KIAA1328: variants seen among roughly 807,000 people sequenced by gnomAD.
KIAA1328 encodes the protein KIAA1328, also known as protein hinderin.
A neutral mutation model predicts 68.1 loss-of-function variants in KIAA1328; 52 were observed. The observed-to-expected ratio is 0.76, with a 90% CI of 0.61 to 0.96. The LOEUF is 0.96. KIAA1328 is among the 40% of genes least tolerant of loss of function. KIAA1328 has a pLI of 0.00. For missense variants in KIAA1328, 641 were observed against 677.6 expected, an observed-to-expected ratio of 0.95 and a Z score of 0.60; for synonymous variants, 232 against 239.4, an observed-to-expected ratio of 0.97 and a Z score of 0.28.
intron 3 of KIAA1328, among the ~76,000 whole-genome samples, chr18:36,839,986 C>T (rs893606178): frequency 2.6e-5 from 4 of 152,144 alleles, no homozygotes; most frequent in Admixed American, 6.5e-5. Context: ...TTCTGCAGAT[C>T]CCTGGAGCTC....
At chr18:37,192,551 C>G (rs2059926514) in intron 9 of KIAA1328, among the ~76,000 whole-genome samples, 1 of 152,192 alleles carries the variant, frequency 6.6e-6, no homozygotes, top group African/African-American at 2.4e-5. Flanking sequence ...GGTTTCTACA[C>G]TATATTCTCC....
At chr18:37,004,735 A>G (rs1356046182) in intron 6 of KIAA1328, among the ~76,000 whole-genome samples, 1 of 152,156 alleles carries the variant, frequency 6.6e-6, no homozygotes, top group Non-Finnish European at 1.5e-5. Flanking sequence ...TTGATCCCGC[A>G]ATCCCCACTG....
intron 4 of KIAA1328, among the ~76,000 whole-genome samples, chr18:36,883,230 G>A (rs1185620354): frequency 1.3e-5 from 2 of 152,000 alleles, no homozygotes; most frequent in South Asian, 2.1e-4. Flanking sequence ...ACAAACATTC[G>A]AAATCTGAAA....
At chr18:36,949,069 A>G (rs1460597883) in intron 5 of KIAA1328, among the ~76,000 whole-genome samples, 3 of 152,120 alleles carry the variant, frequency 2.0e-5, no homozygotes, top group Non-Finnish European at 2.9e-5. Context: ...ATTGTTGTGC[A>G]GTTCACTTGA....
At chr18:37,084,238 C>T in intron 7 of KIAA1328, 1 of 1,454,020 alleles carries the variant, frequency 6.9e-7, no homozygotes, top group Non-Finnish European at 9.1e-7. Context: ...CCAAGGTAAA[C>T]CTGAAGTCTC....
intron 7 of KIAA1328, among the ~76,000 whole-genome samples, chr18:37,117,887 A>AAT (rs1340358187): frequency 2.1e-3 from 312 of 147,530 alleles, no homozygotes; most frequent in African/African-American, 4.1e-3. Context: ...AAAAAAAAAA[A>AAT]ATATATATAT....
chr18:37,087,462 T>C (rs1373085056), intron 7 of KIAA1328, among the ~76,000 whole-genome samples: 1 of 152,256 alleles, frequency 6.6e-6, no homozygotes, highest in Non-Finnish European at 1.5e-5. Flanking sequence ...GTCTTATCTC[T>C]GAGAATATTC....
chr18:37,045,011 G>A (rs2055409995), intron 6 of KIAA1328, among the ~76,000 whole-genome samples: 1 of 152,078 alleles, frequency 6.6e-6, no homozygotes, highest in African/African-American at 2.4e-5. Flanking sequence ...TGGAAGTTGG[G>A]TTTTCAGAGA....
At chr18:37,172,193 C>T (rs1410754962) in intron 8 of KIAA1328, among the ~76,000 whole-genome samples, 1 of 152,168 alleles carries the variant, frequency 6.6e-6, no homozygotes, top group African/African-American at 2.4e-5. Flanking sequence ...TAACTTCATG[C>T]ATCCCGGATA....
intron 7 of KIAA1328, among the ~76,000 whole-genome samples, chr18:37,144,049 A>T (rs1380749654): frequency 6.6e-6 from 1 of 152,136 alleles, no homozygotes; most frequent in Non-Finnish European, 1.5e-5. Context: ...CTATCTGGGC[A>T]GTTTTCTTTG....
chr18:37,141,686 GCT>G (rs1267873521), intron 7 of KIAA1328, among the ~76,000 whole-genome samples: 1 of 152,162 alleles, frequency 6.6e-6, no homozygotes, highest in Non-Finnish European at 1.5e-5. Flanking sequence ...GTTTTCCAAA[GCT>G]ATATAACAAT....
intron 5 of KIAA1328, among the ~76,000 whole-genome samples, chr18:36,914,212 G>T (rs933672652): frequency 2.6e-5 from 4 of 152,160 alleles, no homozygotes; most frequent in African/African-American, 9.7e-5. Flanking sequence ...AACAAAGCCT[G>T]CTCAGCTAAA....
chr18:37,045,438 T>TC, intron 6 of KIAA1328, among the ~76,000 whole-genome samples: 1 of 152,332 alleles, frequency 6.6e-6, no homozygotes, highest in South Asian at 2.1e-4. Context: ...TCTTTGGTCT[T>TC]CATTTCAAAT....
At chr18:37,020,831 G>A (rs1481038122) in intron 6 of KIAA1328, among the ~76,000 whole-genome samples, 1 of 152,130 alleles carries the variant, frequency 6.6e-6, no homozygotes, top group African/African-American at 2.4e-5. Context: ...GAATGACTGA[G>A]TTGGCTCATT....
chr18:37,035,767 C>A (rs1311910458), intron 6 of KIAA1328, among the ~76,000 whole-genome samples: 1 of 152,110 alleles, frequency 6.6e-6, no homozygotes, highest in African/African-American at 2.4e-5. Context: ...GTAAGATAAT[C>A]AAATATGCTG....
At chr18:37,031,316 G>A (rs533360291) in intron 6 of KIAA1328, among the ~76,000 whole-genome samples, 7 of 151,428 alleles carry the variant, frequency 4.6e-5, no homozygotes, top group East Asian at 3.9e-4. Context: ...TTTCCTTTCC[G>A]TCTTTCCACT....
chr18:37,124,617 A>G (rs575490122), intron 7 of KIAA1328, among the ~76,000 whole-genome samples: 1 of 152,174 alleles, frequency 6.6e-6, no homozygotes, highest in South Asian at 2.1e-4. Context: ...TCTCTATTTC[A>G]CATACTTGAA....
At chr18:36,944,128 G>A (rs1350830167) in intron 5 of KIAA1328, among the ~76,000 whole-genome samples, 1 of 152,132 alleles carries the variant, frequency 6.6e-6, no homozygotes, top group Non-Finnish European at 1.5e-5. Context: ...AAACTATATA[G>A]TACCAAATAT....
intron 7 of KIAA1328, among the ~76,000 whole-genome samples, chr18:37,082,102 T>TTA (rs773181923): frequency 1.4e-3 from 212 of 151,874 alleles, no homozygotes; most frequent in African/African-American, 4.8e-3. Flanking sequence ...CTCACGCTTT[T>TTA]TATATATATA....
Sources: gnomAD v4.1 joint callset for allele counts (sites outside exome capture counted in the v4.1 genomes callset) on GRCh38, gnomAD v4.1.1 for gene constraint, MANE v1.5 for transcripts, NCBI Gene and HGNC (gene_info 2026-07-23, HGNC 2026-07-21) for gene names.